JKAMP: variants seen among roughly 807,000 people sequenced by gnomAD.
JKAMP encodes JNK1/MAPK8 associated membrane protein.
JKAMP carries 20 observed loss-of-function variants against 40.2 expected under a neutral mutation model. The ratio of observed to expected loss-of-function variants is 0.50; its 90% CI spans 0.35 to 0.72. JKAMP has a LOEUF of 0.72. Among genes scored for constraint, JKAMP ranks in the 30% least tolerant of loss-of-function variants. JKAMP has a pLI of 0.01. For synonymous variants in JKAMP, 138 were observed against 131.6 expected, an observed-to-expected ratio of 1.05 and a Z score of -0.33; for missense variants, 276 against 373.0, an observed-to-expected ratio of 0.74 and a Z score of 2.14.
chr14:59,495,833 T>G (rs1257702600), intron 4 of JKAMP, among the ~76,000 whole-genome samples: 5 of 152,204 alleles, frequency 3.3e-5, no homozygotes, highest in Non-Finnish European at 7.3e-5. Flanking sequence ...ATCAAAAACA[T>G]AGAAATGCAA....
intron 3 of JKAMP, 86 bp from the exon 4 acceptor site, chr14:59,494,932 C>A: frequency 2.2e-6 from 2 of 926,694 alleles, no homozygotes. Context: ...ATTTAGAAAT[C>A]TGTATCTTGA....
chr14:59,490,316 T>C (rs1890895929), intron 3 of JKAMP, among the ~76,000 whole-genome samples: 1 of 152,176 alleles, frequency 6.6e-6, no homozygotes, highest in African/African-American at 2.4e-5. Flanking sequence ...TCATGAGGCT[T>C]CCACTCCCAT....
At position 59,501,213 on chromosome 14, in the gene JKAMP, A is replaced by G. The variant is rs1455994359; in HGVS notation, c.663A>G (p.Ile221Met). The change falls in exon 6 of 7, where the codon ATA becomes ATG. Residue 221 changes from isoleucine (I) to methionine (M), a missense_variant. Ile to Met is a conservative substitution (Grantham distance 10). Coordinates refer to ENST00000616435, the MANE Select transcript of JKAMP (RefSeq NM_016475.5). Reference protein sequence around the residue: ...GLLYYAFPYIILVLSLVTLAV... With the variant: ...GLLYYAFPYIMLVLSLVTLAV... The stretch of plus-strand genomic sequence containing the variant: ...CAGATTACGCCTTCCCATACATTAT[A>G]TTAGTGTTATCTTTGGTTACTCTGG... 2.5e-6 allele frequency: 4 copies of G among 1,601,370 alleles called. No homozygotes were observed. Among genetic ancestry groups the G allele is most frequent in the South Asian group, 2.2e-5 (2 of 90,622 alleles).
chr14:59,496,349 A>G (rs1891452491), intron 4 of JKAMP, among the ~76,000 whole-genome samples: 1 of 151,630 alleles, frequency 6.6e-6, no homozygotes, highest in South Asian at 2.1e-4. Context: ...CTAAGCATTA[A>G]TTACCCTCTT....
In JKAMP at chr14:59,505,278, TG is replaced by T. The variant is rs1892269476; in HGVS notation, c.*1209del. 6.6e-7 allele frequency: 1 copy of T among 1,511,068 alleles called. No homozygotes were observed. The highest frequency in any genetic ancestry group is 1.4e-5 in the African/African-American group (1 of 72,504). The allele number at this position is 1,511,068 out of a possible 1,614,324, so 93.6% of individuals were successfully genotyped here. On this transcript the variant is annotated 3_prime_UTR_variant, in exon 7 of 7. Transcript: ENST00000616435. ...TATTTTTCTCAGTACATTTAACCAC[TG>T]GGAAATGAACCCTTGTACGAATGTG... is the stretch of plus-strand genomic sequence containing the variant.
intron 1 of JKAMP, chr14:59,485,252 T>G (rs1182138064): frequency 3.4e-5 from 28 of 834,424 alleles, no homozygotes; most frequent in South Asian, 9.8e-5. Context: ...TACAGAAGTT[T>G]CCAATTCCTT....
chr14:59,495,428 G>A lies in JKAMP; in HGVS notation c.458+204G>A, dbSNP rs1891370226. 10 of 522,706 alleles carry A rather than the reference G, an allele frequency of 1.9e-5. No individual in the cohort carries two copies. The Admixed American group carries it at 2.3e-4, about 12-fold the overall frequency. 32.4% of individuals were successfully genotyped at this position (522,706 alleles called of 1,614,324 possible). ...ATGGGAATAATGATCCTTATAAGGTGTCGTGAGGATTAAATTAATCCACAC... is the reference window on the plus strand; with the variant it reads ...ATGGGAATAATGATCCTTATAAGGTATCGTGAGGATTAAATTAATCCACAC... On this transcript the variant is annotated intron_variant, in intron 4 of 6. Coordinates refer to ENST00000616435, the MANE Select transcript of JKAMP (RefSeq NM_016475.5).
At position 59,504,325 on chromosome 14, in the gene JKAMP, C is replaced by T. The variant is rs1892190159; in HGVS notation, c.*253C>T. ...AGGCCGCTAGGAAGCCCTTGCTTCT[C>T]TCAACAGTTCAGCTGTTCTTTAGGG... On this transcript the variant is annotated 3_prime_UTR_variant, in exon 7 of 7. Coordinates refer to ENST00000616435, the MANE Select transcript of JKAMP (RefSeq NM_016475.5). The T allele has an allele frequency of 2.2e-6, 1 of 444,602 alleles. No homozygotes were observed. Among genetic ancestry groups the T allele is most frequent in the Non-Finnish European group, 4.0e-6 (1 of 250,536 alleles). The allele number at this position is 444,602 out of a possible 1,614,324, so 27.5% of individuals were successfully genotyped here. A position where few individuals can be genotyped will look rare whatever the true frequency, so the allele number is the denominator to read the frequency against.
intron 5 of JKAMP, chr14:59,500,969 C>A (rs1891832980): frequency 6.5e-6 from 3 of 463,724 alleles, no homozygotes; most frequent in Non-Finnish European, 1.1e-5. Flanking sequence ...AACTGCAGAG[C>A]TGGGTAATCG....
chr14:59,493,985 C>T (rs1891230295), intron 3 of JKAMP, among the ~76,000 whole-genome samples: 1 of 152,144 alleles, frequency 6.6e-6, no homozygotes, highest in South Asian at 2.1e-4. Context: ...TAAAATGCTG[C>T]TGCTGGGACA....
chr14:59,505,302 G>A lies in JKAMP; in HGVS notation c.*1230G>A, dbSNP rs531704276. On this transcript the variant is annotated 3_prime_UTR_variant, in exon 7 of 7. Transcript: ENST00000616435. ...CTGGGAAATGAACCCTTGTACGAAT[G>A]TGTTTCTTCTTCTCTGTAGGAATAA... 1.9e-5 allele frequency: 29 copies of A among 1,493,912 alleles called. No individual in the cohort carries two copies. The East Asian group carries it at 6.4e-4, about 33-fold the overall frequency. The allele number at this position is 1,493,912 out of a possible 1,614,324, so 92.5% of individuals were successfully genotyped here. A position where few individuals can be genotyped will look rare whatever the true frequency, so the allele number is the denominator to read the frequency against.
chr14:59,484,530 T>G lies in JKAMP; in HGVS notation c.-60T>G, dbSNP rs368663906. 64 of 1,556,480 alleles carry G rather than the reference T, an allele frequency of 4.1e-5. No homozygotes were observed. The African/African-American group carries it at 7.4e-4, about 18-fold the overall frequency. ...GCCGAGCTCGCTGTGGCCCGGATGT[T>G]CGGTGCAGCTGCCAGATCCGCTGAT... On this transcript the variant is annotated 5_prime_UTR_variant, in exon 1 of 7. Coordinates refer to ENST00000616435, the MANE Select transcript of JKAMP (RefSeq NM_016475.5).
intron 3 of JKAMP, among the ~76,000 whole-genome samples, chr14:59,494,121 G>GGTGTGTGTGT (rs55831018): frequency 4.0e-3 from 600 of 151,060 alleles, no homozygotes; most frequent in Non-Finnish European, 5.6e-3. Flanking sequence ...AGAAAATTTG[G>GGTGTGTGTGT]GTGTGTGTGT....
At chr14:59,484,721 G>C (rs923819703) in intron 1 of JKAMP, 128 bp downstream of exon 1, 4 of 1,221,112 alleles carry the variant, frequency 3.3e-6, no homozygotes, top group African/African-American at 3.0e-5. Flanking sequence ...CCTTGACCCC[G>C]CCCGCCCTCG....
At position 59,487,791 on chromosome 14, in the gene JKAMP, C is replaced by T; in HGVS notation, c.214C>T (p.His72Tyr). ...TATGGCAATGCTTCCTCTGGTTTTA[C>T]ATTGGTTCTTCATTGAATGGTACTC... is the stretch of plus-strand genomic sequence containing the variant. Reference protein sequence around the residue: ...GFMAMLPLVLHWFFIEWYSGK... With the variant: ...GFMAMLPLVLYWFFIEWYSGK... Residue 72 changes from histidine to tyrosine, a missense_variant, in exon 3 of 7, where the codon CAT (histidine) becomes TAT (tyrosine). His to Tyr is a moderately conservative substitution (Grantham distance 83, BLOSUM62 2). Coordinates refer to ENST00000616435, the MANE Select transcript of JKAMP (RefSeq NM_016475.5). The T allele has an allele frequency of 6.2e-7, 1 of 1,613,592 alleles. No homozygotes were observed. The highest frequency in any genetic ancestry group is 8.5e-7 in the Non-Finnish European group (1 of 1,179,654).
At chr14:59,486,684 T>G (rs1890604263) in intron 1 of JKAMP, 29 bp from the exon 2 acceptor site, 6 of 1,429,168 alleles carry the variant, frequency 4.2e-6, no homozygotes, top group Non-Finnish European at 5.8e-6. Context: ...ACAAAAGATG[T>G]TACTATACTG....
chr14:59,484,932 C>T, intron 1 of JKAMP: 1 of 1,472,002 alleles, frequency 6.8e-7, no homozygotes, highest in Non-Finnish European at 8.9e-7. Flanking sequence ...GCAGAAAAAA[C>T]AGTAAAGCAG....
intron 3 of JKAMP, among the ~76,000 whole-genome samples, chr14:59,493,975 T>C (rs542570705): frequency 8.1e-4 from 124 of 152,292 alleles, no homozygotes; most frequent in African/African-American, 2.9e-3. Flanking sequence ...ACCTGTTCAG[T>C]AAAATGCTGC....
Position 59,498,710 on chromosome 14 carries a change from T to C in JKAMP, c.459-17T>C. On this transcript the variant is annotated splice_polypyrimidine_tract_variant and intron_variant, in intron 4 of 6. Transcript: ENST00000616435. ...AAAACATTTTTGATGTTACAAATTCTTTATTTTATTTTACAGATATACCAT... is the reference window on the plus strand; with the variant it reads ...AAAACATTTTTGATGTTACAAATTCCTTATTTTATTTTACAGATATACCAT... The C allele has an allele frequency of 7.7e-7, 1 of 1,299,880 alleles. No homozygotes were observed. Among genetic ancestry groups the C allele is most frequent in the East Asian group, 2.5e-5 (1 of 40,278 alleles). The allele number at this position is 1,299,880 out of a possible 1,614,324, so 80.5% of individuals were successfully genotyped here.
Sources: gnomAD v4.1 joint callset for allele counts (sites outside exome capture counted in the v4.1 genomes callset) on GRCh38, gnomAD v4.1.1 for gene constraint, MANE v1.5 for transcripts, NCBI Gene and HGNC (gene_info 2026-07-23, HGNC 2026-07-21) for gene names.